Variants in BCKDHB observed in about 807,000 individuals in gnomAD.
BCKDHB encodes the protein 2-oxoisovalerate dehydrogenase subunit beta, mitochondrial.
BCKDHB carries 41 observed loss-of-function variants against 48.5 expected under a neutral mutation model. The observed-to-expected ratio is 0.85, with a 90% CI of 0.66 to 1.10. BCKDHB has a LOEUF of 1.10. Among genes scored for constraint, BCKDHB ranks in the 50% least tolerant of loss-of-function variants. The pLI, the probability that BCKDHB is intolerant of heterozygous loss-of-function variation, is 0.00. For synonymous variants in BCKDHB, 201 were observed against 174.8 expected, an observed-to-expected ratio of 1.15 and a Z score of -1.18; for missense variants, 496 against 494.2, an observed-to-expected ratio of 1.00 and a Z score of -0.03.
the BCKDHB span, among the ~76,000 whole-genome samples, chr6:80,413,243 CA>C: frequency 1.3e-5 from 2 of 151,606 alleles, no homozygotes; most frequent in Non-Finnish European, 2.9e-5. Flanking sequence ...AACATATTAG[CA>C]AAAAAAAGTT....
At chr6:80,338,014 A>G (rs1335281844) in intron 9 of BCKDHB, among the ~76,000 whole-genome samples, 1 of 152,210 alleles carries the variant, frequency 6.6e-6, no homozygotes, top group Non-Finnish European at 1.5e-5. Flanking sequence ...TAAAAGACCT[A>G]TAATTTTCCG....
intron 1 of BCKDHB, among the ~76,000 whole-genome samples, chr6:80,123,964 A>G (rs1290970398): frequency 3.3e-5 from 5 of 151,886 alleles, no homozygotes; most frequent in African/African-American, 1.2e-4. Context: ...TTGCTTCTCT[A>G]GTTCTTTTAA....
the BCKDHB span, among the ~76,000 whole-genome samples, chr6:80,419,157 G>A: frequency 6.6e-6 from 1 of 152,284 alleles, no homozygotes; most frequent in Middle Eastern, 3.4e-3. Flanking sequence ...GTGCTGACAG[G>A]GCAAGGAAAG....
chr6:80,356,946 G>GCCCCC, the BCKDHB span: 1 of 60,124 alleles, frequency 1.7e-5, no homozygotes, highest in African/African-American at 6.9e-5. Flanking sequence ...CCCCGCCCCC[G>GCCCCC]CCCCCGCCCC....
the BCKDHB span, among the ~76,000 whole-genome samples, chr6:80,379,251 GCT>G: frequency 6.6e-6 from 1 of 151,990 alleles, no homozygotes; most frequent in African/African-American, 2.4e-5. Flanking sequence ...AATCACATGG[GCT>G]TTATTCCAGG....
chr6:80,128,045 A>G (rs1395538326), intron 2 of BCKDHB, among the ~76,000 whole-genome samples: 1 of 151,922 alleles, frequency 6.6e-6, no homozygotes, highest in African/African-American at 2.4e-5. Context: ...ATTTATATAT[A>G]ATTTTATAAG....
Position 80,138,485 on chromosome 6 carries a change from G to A in BCKDHB, c.343+9256G>A, listed in dbSNP as rs552880151. Among the ~76,000 whole-genome samples the A allele has an allele frequency of 1.8e-4, 27 of 151,466 alleles. 1 individual carries two copies. The highest frequency in any genetic ancestry group is 3.9e-4 in the Admixed American group (6 of 15,192). The stretch of plus-strand genomic sequence containing the variant: ...CAGTCCCCAGAGTGTGATGTTCCCC[G>A]TCCTGTGTCCATGTGTTCTCATTGT... On this transcript the variant is annotated intron_variant, in intron 3 of 9. Coordinates refer to ENST00000320393, the MANE Select transcript of BCKDHB (RefSeq NM_183050.4).
At chr6:80,245,442 A>G (rs1776571814) in intron 8 of BCKDHB, among the ~76,000 whole-genome samples, 1 of 152,138 alleles carries the variant, frequency 6.6e-6, no homozygotes, top group African/African-American at 2.4e-5. Flanking sequence ...GAACACATTC[A>G]TTTGTAGCTT....
At chr6:80,418,096 GATTCTTTTCTCCACTTGATGT>G in the BCKDHB span, among the ~76,000 whole-genome samples, 1 of 151,976 alleles carries the variant, frequency 6.6e-6, no homozygotes, top group Non-Finnish European at 1.5e-5. Flanking sequence ...CAAGCTCTTA[GATTCTTTTCTCCACTTGATGT>G]ATTCTGCTAT....
At position 80,345,331 on chromosome 6, in the gene BCKDHB, A is replaced by G. The variant is rs1055099926; in HGVS notation, c.*1527A>G. On this transcript the variant is annotated 3_prime_UTR_variant, in exon 10 of 10. Transcript: ENST00000320393. The stretch of plus-strand genomic sequence containing the variant: ...TGAAGAACTATGCTTTTTCAAAAGC[A>G]AAATCAACTCTGTATAATAGCACAT... 1.3e-5 allele frequency: 2 copies of G among 152,216 alleles called. No homozygotes were observed. Among genetic ancestry groups the G allele is most frequent in the Non-Finnish European group, 2.9e-5 (2 of 68,034 alleles). The allele number at this position is 152,216 out of a possible 1,614,324, so 9.4% of individuals were successfully genotyped here. A position where few individuals can be genotyped will look rare whatever the true frequency, so the allele number is the denominator to read the frequency against.
chr6:80,426,063 A>C, the BCKDHB span, among the ~76,000 whole-genome samples: 1 of 152,194 alleles, frequency 6.6e-6, no homozygotes, highest in Non-Finnish European at 1.5e-5. Flanking sequence ...TCATTTGCCT[A>C]ATCACCACAC....
chr6:80,144,600 G>A (rs920397263), intron 3 of BCKDHB, among the ~76,000 whole-genome samples: 1 of 152,088 alleles, frequency 6.6e-6, no homozygotes, highest in Non-Finnish European at 1.5e-5. Flanking sequence ...ACACTTGTAA[G>A]CAGAATTTGA....
Position 80,342,992 on chromosome 6 carries a change from C to T in BCKDHB, c.1039-672C>T, listed in dbSNP as rs1769998840. Among the ~76,000 whole-genome samples the T allele has an allele frequency of 1.3e-5, 2 of 152,130 alleles. 1 individual carries two copies. The highest frequency in any genetic ancestry group is 4.8e-5 in the African/African-American group (2 of 41,414). On this transcript the variant is annotated intron_variant, in intron 9 of 9. Transcript: ENST00000320393. ...AGTTCGGTGCTTTGGGAGCTCAGAG[C>T]ACAAGCCCCTTCCTCATCTGCCCTG...
At chr6:80,308,247 T>C (rs747993889) in intron 9 of BCKDHB, among the ~76,000 whole-genome samples, 44 of 152,220 alleles carry the variant, frequency 2.9e-4, no homozygotes, top group South Asian at 2.1e-4. Context: ...TCATTTTTCA[T>C]TGTATCATGG....
At chr6:80,145,033 G>A (rs977081506) in intron 3 of BCKDHB, among the ~76,000 whole-genome samples, 3 of 152,122 alleles carry the variant, frequency 2.0e-5, no homozygotes, top group East Asian at 1.9e-4. Flanking sequence ...GTTACATAAC[G>A]TATCAGGATT....
At chr6:80,456,872 A>G in the BCKDHB span, among the ~76,000 whole-genome samples, 1 of 152,138 alleles carries the variant, frequency 6.6e-6, no homozygotes, top group African/African-American at 2.4e-5. Context: ...TCTTAGGACT[A>G]GTACATCTTC....
At chr6:80,379,166 C>T in the BCKDHB span, among the ~76,000 whole-genome samples, 1 of 151,878 alleles carries the variant, frequency 6.6e-6, no homozygotes, top group Admixed American at 6.6e-5. Context: ...ATACTCCTGA[C>T]AAATGCAAAA....
chr6:80,426,751 T>A, the BCKDHB span, among the ~76,000 whole-genome samples: 1 of 152,162 alleles, frequency 6.6e-6, no homozygotes, highest in Non-Finnish European at 1.5e-5. Flanking sequence ...ATATAGTTTA[T>A]TTTGTAAATG....
chr6:80,259,631 G>A (rs1057307580), intron 8 of BCKDHB, among the ~76,000 whole-genome samples: 3 of 151,758 alleles, frequency 2.0e-5, no homozygotes, highest in Middle Eastern at 3.2e-3. Context: ...AAGTTATTTG[G>A]GTCTCCAGGT....
Sources: gnomAD v4.1 joint callset for allele counts (sites outside exome capture counted in the v4.1 genomes callset) on GRCh38, gnomAD v4.1.1 for gene constraint, MANE v1.5 for transcripts, NCBI Gene and HGNC (gene_info 2026-07-23, HGNC 2026-07-21) for gene names.